ZNF385B: variants seen among roughly 807,000 people sequenced by gnomAD.
The protein encoded by ZNF385B is zinc finger protein 533.
ZNF385B carries 23 observed loss-of-function variants against 39.2 expected under a neutral mutation model. That is an observed-to-expected ratio of 0.59 (90% confidence interval 0.42 to 0.83). The LOEUF is 0.83. ZNF385B is among the 40% of genes least tolerant of loss of function. ZNF385B has a pLI of 0.00. For synonymous variants in ZNF385B, 205 were observed against 222.6 expected, an observed-to-expected ratio of 0.92 and a Z score of 0.70; for missense variants, 552 against 598.9, an observed-to-expected ratio of 0.92 and a Z score of 0.82.
At chr2:179,524,662 G>C (rs1028110519) in intron 4 of ZNF385B, among the ~76,000 whole-genome samples, 1 of 148,944 alleles carries the variant, frequency 6.7e-6, no homozygotes, top group Non-Finnish European at 1.5e-5. Context: ...GACTGGATAG[G>C]AAAATGAGTA....
At chr2:179,791,783 G>T (rs527932406) in intron 1 of ZNF385B, among the ~76,000 whole-genome samples, 6 of 152,264 alleles carry the variant, frequency 3.9e-5, no homozygotes, top group African/African-American at 1.4e-4. Flanking sequence ...TTTTGAGATG[G>T]AGTTTTGCTG....
intron 3 of ZNF385B, among the ~76,000 whole-genome samples, chr2:179,704,248 A>G (rs13415480): frequency 0.013 from 2,007 of 152,322 alleles, 49 homozygotes; most frequent in African/African-American, 0.044. Context: ...ATCCACTGTT[A>G]GAAAATAATA....
rs73973717 is a variant in ZNF385B, at chr2:179,741,923, C to T, written c.298+27580G>A. Among the ~76,000 whole-genome samples the T allele has an allele frequency of 2.1e-3, 320 of 151,806 alleles. 1 individual carries two copies. The highest frequency in any genetic ancestry group is 7.4e-3 in the African/African-American group (306 of 41,414). On this transcript the variant is annotated intron_variant, in intron 3 of 9. Coordinates refer to ENST00000410066, the MANE Select transcript of ZNF385B (RefSeq NM_152520.6). ...AATATTTAAATAAAGGCCAGATGAACGGGTAGGGGAGAAGGCATTGAAAGA... is the reference window on the plus strand; with the variant it reads ...AATATTTAAATAAAGGCCAGATGAATGGGTAGGGGAGAAGGCATTGAAAGA...
chr2:179,796,264 C>G (rs1309768623), intron 1 of ZNF385B: 2 of 152,120 alleles, frequency 1.3e-5, no homozygotes, highest in Admixed American at 6.5e-5. Context: ...TGAATTTTCG[C>G]CTTTTAAAAG....
At chr2:179,758,470 C>A (rs1041575726) in intron 3 of ZNF385B, among the ~76,000 whole-genome samples, 6 of 152,198 alleles carry the variant, frequency 3.9e-5, no homozygotes, top group African/African-American at 1.4e-4. Context: ...TAATCCCATT[C>A]ATAATAGTGG....
At position 179,844,852 on chromosome 2, in the gene ZNF385B, G is replaced by C. The variant is rs188547445; in HGVS notation, c.-155+16249C>G. Among the ~76,000 whole-genome samples the C allele has an allele frequency of 2.2e-3, 342 of 152,234 alleles. 2 individuals carry two copies. Among genetic ancestry groups the C allele is most frequent in the East Asian group, 8.9e-3 (46 of 5,174 alleles). On this transcript the variant is annotated intron_variant, in intron 1 of 9. Transcript: ENST00000410066. ...AGAAAGGGTCCTCCAAATACAAAGA[G>C]CGTTGGGTAAAATCATAACTCTCTC...
intron 1 of ZNF385B, among the ~76,000 whole-genome samples, chr2:179,792,851 T>G (rs1705430287): frequency 2.6e-5 from 4 of 152,132 alleles, no homozygotes; most frequent in South Asian, 4.1e-4. Context: ...GGGAAGAACA[T>G]GAGTACATAT....
chr2:179,772,535 G>A (rs747044684), intron 1 of ZNF385B, among the ~76,000 whole-genome samples: 5 of 152,172 alleles, frequency 3.3e-5, no homozygotes, highest in Admixed American at 6.5e-5. Flanking sequence ...AGCTGCAGAG[G>A]TCTTGGGAAA....
chr2:179,655,372 A>C (rs1203365772), intron 3 of ZNF385B, among the ~76,000 whole-genome samples: 1 of 152,138 alleles, frequency 6.6e-6, no homozygotes, highest in African/African-American at 2.4e-5. Context: ...TATCATACAT[A>C]TCAAAGTTGC....
intron 3 of ZNF385B, among the ~76,000 whole-genome samples, chr2:179,568,288 G>A (rs986273993): frequency 7.9e-5 from 12 of 152,012 alleles, no homozygotes; most frequent in Non-Finnish European, 1.5e-4. Flanking sequence ...TACACTGCTC[G>A]GTTTATTTAC....
chr2:179,692,180 A>G (rs531201940), intron 3 of ZNF385B, among the ~76,000 whole-genome samples: 2 of 152,198 alleles, frequency 1.3e-5, no homozygotes, highest in East Asian at 3.9e-4. Context: ...CTGGTGACCC[A>G]TCATTCTGCT....
intron 3 of ZNF385B, among the ~76,000 whole-genome samples, chr2:179,749,336 A>C (rs922243837): frequency 6.6e-6 from 1 of 152,088 alleles, no homozygotes; most frequent in Non-Finnish European, 1.5e-5. Context: ...GTGCCAGCAC[A>C]CTCTGCCCAT....
At chr2:179,629,407 C>T (rs1234950033) in intron 3 of ZNF385B, among the ~76,000 whole-genome samples, 2 of 152,206 alleles carry the variant, frequency 1.3e-5, no homozygotes, top group Non-Finnish European at 2.9e-5. Flanking sequence ...TAACCTCAAA[C>T]ATATGAATGA....
intron 3 of ZNF385B, among the ~76,000 whole-genome samples, chr2:179,670,854 G>A (rs1459398583): frequency 1.3e-5 from 2 of 152,206 alleles, no homozygotes; most frequent in African/African-American, 4.8e-5. Context: ...TTCATTGTGA[G>A]CAGTGGAGGA....
At chr2:179,671,473 G>A (rs951359655) in intron 3 of ZNF385B, among the ~76,000 whole-genome samples, 1 of 152,208 alleles carries the variant, frequency 6.6e-6, no homozygotes, top group African/African-American at 2.4e-5. Context: ...AACACGAAGG[G>A]TGTGGCCAAA....
In ZNF385B at chr2:179,728,411, G is replaced by A. The variant is rs946440036; in HGVS notation, c.298+41092C>T. Among the ~76,000 whole-genome samples, 59 of 151,998 alleles carry A rather than the reference G, an allele frequency of 3.9e-4. 1 individual carries two copies. Among genetic ancestry groups the A allele is most frequent in the Non-Finnish European group, 1.5e-4 (10 of 67,948 alleles). ...AGGACTTTAACACCCACATAACTAC[G>A]TGACTTACTGAAGGTATCAAAATCC... On this transcript the variant is annotated intron_variant, in intron 3 of 9. Transcript: ENST00000410066.
chr2:179,546,083 G>T (rs2060213152), intron 3 of ZNF385B, among the ~76,000 whole-genome samples: 2 of 152,096 alleles, frequency 1.3e-5, no homozygotes, highest in Non-Finnish European at 2.9e-5. Context: ...CACCCAGGCT[G>T]GAGTGCAGTG....
At chr2:179,459,130 C>T (rs1464984114) in intron 6 of ZNF385B, among the ~76,000 whole-genome samples, 1 of 152,180 alleles carries the variant, frequency 6.6e-6, no homozygotes, top group Non-Finnish European at 1.5e-5. Flanking sequence ...TTCAGGTCTT[C>T]TCTGATTCCC....
intron 3 of ZNF385B, among the ~76,000 whole-genome samples, chr2:179,678,095 C>T (rs34008381): frequency 0.2 from 29,673 of 151,960 alleles, 3,167 homozygotes; most frequent in African/African-American, 0.28. Flanking sequence ...CTGAATAAGG[C>T]TGGATTTTTC....
Sources: gnomAD v4.1 joint callset for allele counts (sites outside exome capture counted in the v4.1 genomes callset) on GRCh38, gnomAD v4.1.1 for gene constraint, MANE v1.5 for transcripts, NCBI Gene and HGNC (gene_info 2026-07-23, HGNC 2026-07-21) for gene names.